DNER: variants seen among roughly 807,000 people sequenced by gnomAD.
The protein encoded by DNER is delta and Notch-like epidermal growth factor-related receptor.
Under a neutral mutation model 78.2 loss-of-function variants are expected in DNER, and 33 were observed. The ratio of observed to expected loss-of-function variants is 0.42; its 90% CI spans 0.32 to 0.56. The LOEUF is 0.56. Ranked by LOEUF, DNER falls within the 20% of genes least tolerant of loss-of-function variation. DNER has a pLI of 0.11. For missense variants in DNER, 918 were observed against 975.3 expected, an observed-to-expected ratio of 0.94 and a Z score of 0.78; for synonymous variants, 417 against 384.8, an observed-to-expected ratio of 1.08 and a Z score of -0.98.
intron 5 of DNER, among the ~76,000 whole-genome samples, chr2:229,516,800 A>AAAAAGAAAAGAAAAG (rs1294247230): frequency 7.6e-6 from 1 of 131,240 alleles, no homozygotes; most frequent in African/African-American, 3.1e-5. Flanking sequence ...AAAAAAAAAA[A>AAAAAGAAAAGAAAAG]AAAAGAAAAG....
At chr2:229,491,954 C>CAT (rs1695409242) in intron 6 of DNER, among the ~76,000 whole-genome samples, 1 of 112,010 alleles carries the variant, frequency 8.9e-6, no homozygotes, top group Non-Finnish European at 2.1e-5. Context: ...CATGATTACA[C>CAT]ACACACACAC....
intron 1 of DNER, among the ~76,000 whole-genome samples, chr2:229,700,175 A>G (rs1699721026): frequency 6.6e-6 from 1 of 152,132 alleles, no homozygotes; most frequent in Non-Finnish European, 1.5e-5. Context: ...GGGGGCTAGT[A>G]GGCATTCTCA....
chr2:229,420,099 T>C (rs2396663), intron 8 of DNER, among the ~76,000 whole-genome samples: 18,824 of 151,728 alleles, frequency 0.12, 1,433 homozygotes, highest in South Asian at 0.23. Context: ...TATCCCAGCC[T>C]GTTTTTGCAA....
intron 7 of DNER, among the ~76,000 whole-genome samples, chr2:229,457,131 T>A (rs558726514): frequency 4.1e-4 from 62 of 152,220 alleles, no homozygotes; most frequent in Non-Finnish European, 2.9e-4. Flanking sequence ...TGAGAAAGTT[T>A]GTTGCCAGCA....
At chr2:229,435,855 T>C (rs1336396522) in intron 8 of DNER, among the ~76,000 whole-genome samples, 1 of 152,222 alleles carries the variant, frequency 6.6e-6, no homozygotes, top group African/African-American at 2.4e-5. Flanking sequence ...AGTGGGATTG[T>C]AATTTTTTAA....
chr2:229,547,529 C>T (rs1330612148), intron 4 of DNER, among the ~76,000 whole-genome samples: 2 of 152,208 alleles, frequency 1.3e-5, no homozygotes, highest in East Asian at 3.9e-4. Context: ...CTCCTGGCTA[C>T]TTTGGAGTCA....
chr2:229,559,526 C>T (rs761335796), intron 4 of DNER, among the ~76,000 whole-genome samples: 3 of 152,002 alleles, frequency 2.0e-5, no homozygotes, highest in Admixed American at 6.6e-5. Flanking sequence ...CCTTTGGCAA[C>T]GTTAGCATGG....
chr2:229,367,757 C>G lies in DNER; in HGVS notation c.1856-638G>C, dbSNP rs143078396. Among the ~76,000 whole-genome samples, 1,018 of 152,256 alleles carry G rather than the reference C, an allele frequency of 6.7e-3. 14 individuals carry two copies. Among genetic ancestry groups the G allele is most frequent in the African/African-American group, 0.024 (984 of 41,528 alleles). ...AAATATTACTTTAAAATTATAACCA[C>G]AGTTGGAAGGGTACCCAGAAATAAG... is the stretch of plus-strand genomic sequence containing the variant. On this transcript the variant is annotated intron_variant, in intron 11 of 12. Coordinates refer to ENST00000341772, the MANE Select transcript of DNER (RefSeq NM_139072.4).
intron 9 of DNER, among the ~76,000 whole-genome samples, 168 bp from the exon 10 acceptor site, chr2:229,407,513 A>G (rs1178594438): frequency 2.0e-5 from 3 of 152,314 alleles, no homozygotes; most frequent in Non-Finnish European, 4.4e-5. Context: ...AGATTGTTGT[A>G]AAAACTTGCC....
At chr2:229,525,527 T>TA (rs201183541) in intron 5 of DNER, among the ~76,000 whole-genome samples, 1 of 151,400 alleles carries the variant, frequency 6.6e-6, no homozygotes, top group African/African-American at 2.4e-5. Flanking sequence ...GGAAGTTAAC[T>TA]AAAAAAAAAG....
At chr2:229,546,775 A>G (rs1696632850) in intron 5 of DNER, among the ~76,000 whole-genome samples, 172 bp downstream of exon 5, 1 of 148,668 alleles carries the variant, frequency 6.7e-6, no homozygotes, top group African/African-American at 2.6e-5. Flanking sequence ...GGCTTGAGAC[A>G]GACAGATAGA....
intron 5 of DNER, among the ~76,000 whole-genome samples, chr2:229,518,303 A>G (rs1696021180): frequency 6.6e-6 from 1 of 152,202 alleles, no homozygotes; most frequent in Admixed American, 6.5e-5. Context: ...CGTTTTTTGA[A>G]CACTGCCATG....
chr2:229,620,097 T>C (rs1324377151), intron 1 of DNER, among the ~76,000 whole-genome samples: 1 of 152,296 alleles, frequency 6.6e-6, no homozygotes, highest in East Asian at 1.9e-4. Flanking sequence ...CACGGGAAGT[T>C]TGTTCAGAAC....
chr2:229,365,035 T>C (rs921247303), intron 12 of DNER, among the ~76,000 whole-genome samples: 1 of 152,074 alleles, frequency 6.6e-6, no homozygotes, highest in African/African-American at 2.4e-5. Flanking sequence ...TTTAGGTAGA[T>C]ATAAGAAAAC....
chr2:229,558,314 C>T (rs769125129), intron 4 of DNER, among the ~76,000 whole-genome samples: 9 of 151,564 alleles, frequency 5.9e-5, no homozygotes, highest in Non-Finnish European at 1.2e-4. Flanking sequence ...ATAATCTGTA[C>T]AATAGACCCC....
intron 7 of DNER, among the ~76,000 whole-genome samples, chr2:229,465,207 A>C (rs977794371): frequency 6.6e-6 from 1 of 152,244 alleles, no homozygotes; most frequent in Non-Finnish European, 1.5e-5. Flanking sequence ...TAGACTAGAC[A>C]AAGAAAATGT....
chr2:229,615,647 G>C (rs1698143894), intron 1 of DNER, among the ~76,000 whole-genome samples: 1 of 152,178 alleles, frequency 6.6e-6, no homozygotes, highest in African/African-American at 2.4e-5. Flanking sequence ...AGGAGGCAGA[G>C]CTTGCAGTGA....
intron 6 of DNER, among the ~76,000 whole-genome samples, chr2:229,478,595 A>C (rs904500177): frequency 3.3e-5 from 5 of 152,226 alleles, no homozygotes; most frequent in Non-Finnish European, 5.9e-5. Flanking sequence ...AAAAGCTGTA[A>C]ATTCAAAATA....
intron 1 of DNER, among the ~76,000 whole-genome samples, chr2:229,643,701 CA>C (rs377009849): frequency 9.2e-5 from 14 of 152,316 alleles, no homozygotes; most frequent in African/African-American, 3.1e-4. Flanking sequence ...AAGTGCCTAA[CA>C]GCCCGGAAAA....
Sources: gnomAD v4.1 joint callset for allele counts (sites outside exome capture counted in the v4.1 genomes callset) on GRCh38, gnomAD v4.1.1 for gene constraint, MANE v1.5 for transcripts, NCBI Gene and HGNC (gene_info 2026-07-23, HGNC 2026-07-21) for gene names.